Variants in FGF13 observed in about 807,000 individuals in gnomAD.
The protein encoded by FGF13 is fibroblast growth factor homologous factor 2.
A neutral mutation model predicts 19.5 loss-of-function variants in FGF13; 2 were observed. The observed-to-expected ratio is 0.10, with a 90% CI of 0.04 to 0.32. The LOEUF is 0.32. Ranked by LOEUF, FGF13 falls within the 10% of genes least tolerant of loss-of-function variation. FGF13 has a pLI of 1.00. For missense variants in FGF13, 113 were observed against 192.7 expected (o/e 0.59, Z 2.45); for synonymous variants, 72 against 76.9 (o/e 0.94, Z 0.33).
intron 1 of FGF13, among the ~76,000 whole-genome samples, chrX:138,989,515 A>G (rs997855615): frequency 4.5e-5 from 5 of 111,915 alleles, no homozygotes; most frequent in African/African-American, 1.6e-4. Flanking sequence ...TGGTATTGTC[A>G]TAGATATCTA....
chrX:138,659,839 A>G (rs1271249798), intron 3 of FGF13, among the ~76,000 whole-genome samples: 1 of 111,687 alleles, frequency 9.0e-6, no homozygotes, highest in Non-Finnish European at 1.9e-5. Flanking sequence ...GTTTTCATTC[A>G]TAAGTGGGAG....
rs2089106743 is a variant in FGF13, at chrX:138,630,682, G to T, written c.*2168C>A. ...CCTCCTTGCAAAAGCAGGCTGTTTG[G>T]GGCCCCAGTAATTTTATTTGCAGAT... is the stretch of plus-strand genomic sequence containing the variant. On this transcript the variant is annotated 3_prime_UTR_variant, in exon 5 of 5. Transcript: ENST00000315930. The T allele has an allele frequency of 9.0e-6, 1 of 111,228 alleles. No homozygotes were observed. The highest frequency in any genetic ancestry group is 3.3e-5 in the African/African-American group (1 of 30,628). 9.2% of individuals were successfully genotyped at this position (111,228 alleles called of 1,213,427 possible).
chrX:138,837,694 G>T (rs1056951468), intron 3 of FGF13, among the ~76,000 whole-genome samples: 1 of 112,031 alleles, frequency 8.9e-6, no homozygotes, highest in Admixed American at 9.4e-5. Flanking sequence ...CTGGGGACCT[G>T]CTTAAAGAAG....
chrX:138,639,854 A>C (rs1269220777), intron 3 of FGF13, among the ~76,000 whole-genome samples: 1 of 110,082 alleles, frequency 9.1e-6, no homozygotes, highest in Non-Finnish European at 1.9e-5. Flanking sequence ...TTAGCCGGGC[A>C]TGGTGGTGGG....
At chrX:139,061,841 A>T (rs186229262) in intron 1 of FGF13, among the ~76,000 whole-genome samples, 1 of 110,999 alleles carries the variant, frequency 9.0e-6, no homozygotes, top group Non-Finnish European at 1.9e-5. Context: ...TTTTTTTCAT[A>T]TACCTGTTGG....
Position 138,639,922 on chromosome X carries a change from G to A in FGF13, c.403-4267C>T, listed in dbSNP as rs1032519098. On this transcript the variant is annotated intron_variant, in intron 3 of 4. Transcript: ENST00000315930. Reference sequence around the variant, plus strand: ...GCAGGAGAATCACTTGAACCTGGGAGGCAGAGGCTGCAGTGAGCCGAGACT... The same window carrying A: ...GCAGGAGAATCACTTGAACCTGGGAAGCAGAGGCTGCAGTGAGCCGAGACT... 9.1e-5 allele frequency among the ~76,000 whole-genome samples: 10 copies of A among 110,428 alleles called. No individual in the cohort carries two copies. In the Admixed American group the frequency reaches 9.6e-4, roughly 11 times the overall value.
rs971855941 is a variant in FGF13 at position 138,921,261 on chromosome X, C to T, written c.-112-56611G>A. 5.4e-5 allele frequency among the ~76,000 whole-genome samples: 6 copies of T among 111,328 alleles called. 1 individual carries two copies. The highest frequency in any genetic ancestry group is 9.6e-5 in the Admixed American group (1 of 10,449). ...GAGGGAATTAAGAGGTCATAGAAAACGAATTGGGTTAGAACATTCATGCAC... is the reference window on the plus strand; with the variant it reads ...GAGGGAATTAAGAGGTCATAGAAAATGAATTGGGTTAGAACATTCATGCAC... On this transcript the variant is annotated intron_variant, in intron 1 of 2. Coordinates refer to the FGF13 transcript ENST00000421460.
chrX:139,118,446 A>G (rs1019266080), intron 1 of FGF13, among the ~76,000 whole-genome samples: 2 of 111,600 alleles, frequency 1.8e-5, no homozygotes, highest in Admixed American at 1.9e-4. Context: ...TGAATTAGGA[A>G]ATGAGGAGAC....
chrX:139,109,520 C>A (rs1347339054), intron 1 of FGF13, among the ~76,000 whole-genome samples: 1 of 111,533 alleles, frequency 9.0e-6, no homozygotes, highest in Non-Finnish European at 1.9e-5. Flanking sequence ...AAAACTAGGG[C>A]TTTCTCGGCT....
chrX:139,144,479 C>T (rs925997754), intron 1 of FGF13, among the ~76,000 whole-genome samples: 2 of 111,587 alleles, frequency 1.8e-5, no homozygotes, highest in Admixed American at 9.6e-5. Flanking sequence ...CTCCAGAAGA[C>T]CCCCCTGACA....
chrX:138,908,231 C>T (rs1230849787), intron 1 of FGF13, among the ~76,000 whole-genome samples: 8 of 106,112 alleles, frequency 7.5e-5, no homozygotes, highest in Non-Finnish European at 9.6e-5. Context: ...CCACTGCGCC[C>T]GGCTAAATTT....
chrX:139,172,437 A>G (rs141602400), intron 1 of FGF13, among the ~76,000 whole-genome samples: 1,969 of 110,591 alleles, frequency 0.018, 46 homozygotes, highest in African/African-American at 0.061. Flanking sequence ...TACACTTTCC[A>G]TTTCTTCCTT....
At chrX:139,157,885 A>C (rs5976290) in intron 1 of FGF13, among the ~76,000 whole-genome samples, 13,393 of 111,745 alleles carry the variant, frequency 0.12, 1,335 homozygotes, top group African/African-American at 0.34. Flanking sequence ...CATGTGATTT[A>C]TGCATTTCCA....
upstream of FGF13, among the ~76,000 whole-genome samples, chrX:139,204,445 G>A (rs994936052): frequency 1.4e-4 from 16 of 112,667 alleles, no homozygotes; most frequent in African/African-American, 4.5e-4. Flanking sequence ...GCTTCTGCCC[G>A]CCTGCGGAGA....
At chrX:138,976,397 C>A (rs2091939840) in intron 1 of FGF13, among the ~76,000 whole-genome samples, 1 of 111,727 alleles carries the variant, frequency 9.0e-6, no homozygotes, top group African/African-American at 3.3e-5. Flanking sequence ...TCTTTGGCAG[C>A]AACTTGGATG....
chrX:138,947,941 G>T (rs1269439754), intron 1 of FGF13, among the ~76,000 whole-genome samples: 1 of 111,629 alleles, frequency 9.0e-6, no homozygotes, highest in Non-Finnish European at 1.9e-5. Flanking sequence ...GAAAGACCAT[G>T]TGAAGACAAA....
At chrX:139,069,912 A>G (rs1194180161) in intron 1 of FGF13, among the ~76,000 whole-genome samples, 1 of 112,646 alleles carries the variant, frequency 8.9e-6, no homozygotes, top group Non-Finnish European at 1.9e-5. Context: ...TGGCATTAGG[A>G]AAACTGGCTA....
chrX:138,852,433 T>C lies in FGF13; in HGVS notation c.217+5079A>G, dbSNP rs181530172. Reference sequence around the variant, plus strand: ...ACAACCATCTGATCTTTGACAAACTTGACAAAAACAAGGAGTTGGGAAAGG... The same window carrying C: ...ACAACCATCTGATCTTTGACAAACTCGACAAAAACAAGGAGTTGGGAAAGG... On this transcript the variant is annotated intron_variant, in intron 3 of 6. Transcript: ENST00000436198. Among the ~76,000 whole-genome samples the C allele has an allele frequency of 7.6e-4, 85 of 111,547 alleles. 2 individuals carry two copies. The highest frequency in any genetic ancestry group is 5.5e-3 in the Admixed American group (58 of 10,507).
At chrX:139,128,798 G>A (rs1459835862) in intron 1 of FGF13, among the ~76,000 whole-genome samples, 4 of 111,690 alleles carry the variant, frequency 3.6e-5, no homozygotes, top group Non-Finnish European at 7.5e-5. Context: ...GTCAATAGGA[G>A]ATAGAGTGGT....
Sources: gnomAD v4.1 joint callset for allele counts (sites outside exome capture counted in the v4.1 genomes callset) on GRCh38, gnomAD v4.1.1 for gene constraint, MANE v1.5 for transcripts, NCBI Gene and HGNC (gene_info 2026-07-23, HGNC 2026-07-21) for gene names.